TNFRSF19: variants seen among roughly 807,000 people sequenced by gnomAD.
TNFRSF19 encodes tumor necrosis factor receptor superfamily member 19.
A neutral mutation model predicts 46.4 loss-of-function variants in TNFRSF19; 27 were observed. That is an observed-to-expected ratio of 0.58 (90% CI 0.43 to 0.80). TNFRSF19 has a LOEUF of 0.80. Ranked by LOEUF, TNFRSF19 falls within the 30% of genes least tolerant of loss-of-function variation. TNFRSF19 has a pLI of 0.00. For synonymous variants in TNFRSF19, 204 were observed against 205.0 expected (o/e 1.00, Z 0.04); for missense variants, 511 against 530.8 (o/e 0.96, Z 0.37).
intron 9 of TNFRSF19, among the ~76,000 whole-genome samples, chr13:23,669,968 A>G (rs1951730805): frequency 6.6e-6 from 1 of 152,120 alleles, no homozygotes; most frequent in African/African-American, 2.4e-5. Context: ...CCCCACAAAG[A>G]GGTTGCTGCT....
chr13:23,616,102 GCAATTCC>G, intron 4 of TNFRSF19, 57 bp downstream of exon 4: 1 of 1,521,664 alleles, frequency 6.6e-7, no homozygotes, highest in South Asian at 1.3e-5. Context: ...TTTTAAAAAG[GCAATTCC>G]CTTGTTCCAT....
At chr13:23,576,176 C>G (rs1277474450) in intron 1 of TNFRSF19, among the ~76,000 whole-genome samples, 5 of 151,750 alleles carry the variant, frequency 3.3e-5, no homozygotes, top group African/African-American at 1.2e-4. Context: ...CTCTGTCCCC[C>G]AGGCTGGAGT....
At chr13:23,614,856 C>A (rs1004854477) in intron 3 of TNFRSF19, among the ~76,000 whole-genome samples, 1 of 151,242 alleles carries the variant, frequency 6.6e-6, no homozygotes, top group Non-Finnish European at 1.5e-5. Context: ...TCTAACACTA[C>A]TTCTGTCACC....
chr13:23,655,226 G>A (rs1883906605), intron 5 of TNFRSF19, among the ~76,000 whole-genome samples: 1 of 152,130 alleles, frequency 6.6e-6, no homozygotes, highest in South Asian at 2.1e-4. Flanking sequence ...ACTCGTAATA[G>A]ACACTCAGGA....
chr13:23,649,886 A>T (rs1301454951), intron 5 of TNFRSF19, among the ~76,000 whole-genome samples: 1 of 152,014 alleles, frequency 6.6e-6, no homozygotes, highest in Non-Finnish European at 1.5e-5. Flanking sequence ...ATTGATTTCT[A>T]ATTTTGTTCC....
intron 1 of TNFRSF19, chr13:23,579,431 C>CT (rs397934011): frequency 6.5e-6 from 1 of 152,710 alleles, no homozygotes; most frequent in East Asian, 1.9e-4. Flanking sequence ...ACTGGACCCC[C>CT]ATGCAACCCC....
chr13:23,654,956 C>T (rs1883884646), intron 5 of TNFRSF19, among the ~76,000 whole-genome samples: 1 of 152,192 alleles, frequency 6.6e-6, no homozygotes, highest in South Asian at 2.1e-4. Context: ...TCATTTGCAG[C>T]ATCTGAGAAG....
intron 7 of TNFRSF19, 30 bp downstream of exon 7, chr13:23,660,520 G>C: frequency 6.2e-7 from 1 of 1,606,560 alleles, no homozygotes; most frequent in Non-Finnish European, 8.5e-7. Context: ...GCCGTTAGGA[G>C]GACTGGAGGT....
At chr13:23,645,514 CT>C (rs1379334197) in intron 5 of TNFRSF19, among the ~76,000 whole-genome samples, 1 of 152,140 alleles carries the variant, frequency 6.6e-6, no homozygotes, top group Non-Finnish European at 1.5e-5. Flanking sequence ...TTGTAGCCTA[CT>C]TATTTAAGAA....
At chr13:23,607,200 G>C (rs11841432) in intron 3 of TNFRSF19, among the ~76,000 whole-genome samples, 1 of 152,172 alleles carries the variant, frequency 6.6e-6, no homozygotes, top group South Asian at 2.1e-4. Context: ...TTGGGAGGCC[G>C]AGGCAGGTGG....
At chr13:23,624,896 G>A (rs1407900586) in intron 4 of TNFRSF19, among the ~76,000 whole-genome samples, 4 of 151,686 alleles carry the variant, frequency 2.6e-5, no homozygotes, top group African/African-American at 7.3e-5. Flanking sequence ...GATTATAGGC[G>A]CCCACCACCA....
At chr13:23,586,075 G>A (rs1029516308) in intron 1 of TNFRSF19, among the ~76,000 whole-genome samples, 2 of 151,832 alleles carry the variant, frequency 1.3e-5, no homozygotes, top group African/African-American at 4.8e-5. Context: ...TCGAGACCAC[G>A]GCGAAACCCC....
chr13:23,598,741 G>A (rs1372606109), intron 3 of TNFRSF19, among the ~76,000 whole-genome samples: 3 of 152,186 alleles, frequency 2.0e-5, no homozygotes, highest in East Asian at 1.9e-4. Context: ...TTGTGAGCAC[G>A]TTCAGAGCTA....
chr13:23,596,499 A>G (rs559993255), intron 3 of TNFRSF19, among the ~76,000 whole-genome samples: 1 of 152,246 alleles, frequency 6.6e-6, no homozygotes, highest in Non-Finnish European at 1.5e-5. Flanking sequence ...AAGACAAGGG[A>G]ATTACATAAT....
chr13:23,614,168 GACCTTCC>G lies in TNFRSF19; in HGVS notation c.181-1695_181-1689del, dbSNP rs138235714. The stretch of plus-strand genomic sequence containing the variant: ...AGCTCTCAGGAGTGAGGAGGAGGCT[GACCTTCC>G]ACCCTTTTCTCCTCACTTCTTTGTT... On this transcript the variant is annotated intron_variant, in intron 3 of 9. Transcript: ENST00000248484. Among the ~76,000 whole-genome samples, 1,102 of 152,274 alleles carry G rather than the reference GACCTTCC, an allele frequency of 7.2e-3. 8 individuals are homozygous for G. The highest frequency in any genetic ancestry group is 0.025 in the African/African-American group (1,040 of 41,542).
chr13:23,626,187 CTG>C (rs35509472), intron 4 of TNFRSF19, among the ~76,000 whole-genome samples: 5,697 of 145,456 alleles, frequency 0.039, 125 homozygotes, highest in African/African-American at 0.044. Flanking sequence ...TCTTTAAAAT[CTG>C]TGTGTGTGTG....
intron 4 of TNFRSF19, among the ~76,000 whole-genome samples, chr13:23,617,249 G>A (rs1881363339): frequency 6.6e-6 from 1 of 152,180 alleles, no homozygotes; most frequent in Admixed American, 6.5e-5. Flanking sequence ...AGTACACCAA[G>A]TTACAGAGAG....
In TNFRSF19 at chr13:23,640,115, G is replaced by T. The variant is rs544971925; in HGVS notation, c.445+13323G>T. Among the ~76,000 whole-genome samples the T allele has an allele frequency of 6.2e-4, 95 of 152,214 alleles. 2 individuals are homozygous for T. Among genetic ancestry groups the T allele is most frequent in the Admixed American group, 5.3e-3 (81 of 15,282 alleles). On this transcript the variant is annotated intron_variant, in intron 5 of 9. Transcript: ENST00000248484. ...GTGGTGCTGACCTGCAAGAGAAAGG[G>T]GTTTGGCTACCTGAGAGGCTCTGTT... is the stretch of plus-strand genomic sequence containing the variant.
intron 3 of TNFRSF19, among the ~76,000 whole-genome samples, chr13:23,602,888 A>T (rs1880263423): frequency 6.6e-6 from 1 of 152,108 alleles, no homozygotes; most frequent in Non-Finnish European, 1.5e-5. Flanking sequence ...GAAGGCACAT[A>T]TTAGAAAAAA....
Sources: gnomAD v4.1 joint callset for allele counts (sites outside exome capture counted in the v4.1 genomes callset) on GRCh38, gnomAD v4.1.1 for gene constraint, MANE v1.5 for transcripts, NCBI Gene and HGNC (gene_info 2026-07-23, HGNC 2026-07-21) for gene names.